Variants in KALRN observed in about 807,000 individuals in gnomAD.
The protein encoded by KALRN is kalirin RhoGEF kinase, also known as kalirin.
In KALRN, 70 loss-of-function variants were observed where a neutral mutation model predicts 353.7. The observed-to-expected ratio is 0.20, with a 90% CI of 0.16 to 0.24. KALRN has a LOEUF of 0.24. KALRN is among the 10% of genes least tolerant of loss of function. The pLI, the probability that KALRN is intolerant of heterozygous loss-of-function variation, is 1.00. For synonymous variants in KALRN, 1,391 were observed against 1,434.8 expected, an observed-to-expected ratio of 0.97 and a Z score of 0.69; for missense variants, 2,791 against 3,756.7, an observed-to-expected ratio of 0.74 and a Z score of 6.72.
At chr3:124,171,634 G>A (rs1441811256) in intron 1 of KALRN, among the ~76,000 whole-genome samples, 1 of 152,178 alleles carries the variant, frequency 6.6e-6, no homozygotes, top group Non-Finnish European at 1.5e-5. Flanking sequence ...AAAAAAGGCA[G>A]TCACATTGTA....
intron 13 of KALRN, among the ~76,000 whole-genome samples, chr3:124,407,947 G>T (rs1301965919): frequency 6.6e-6 from 1 of 151,920 alleles, no homozygotes; most frequent in African/African-American, 2.4e-5. Context: ...TATTTTTTTT[G>T]TATTTTTAGT....
intron 46 of KALRN, 137 bp from the exon 47 acceptor site, chr3:124,666,875 A>G (rs2289423): frequency 0.03 from 26,695 of 882,794 alleles, 605 homozygotes; most frequent in East Asian, 0.094. Context: ...AGAGACAAAA[A>G]CCTAAGTACT....
intron 33 of KALRN, among the ~76,000 whole-genome samples, chr3:124,537,636 G>A (rs1001066149): frequency 6.6e-6 from 1 of 152,152 alleles, no homozygotes. Context: ...ACTATTCCAG[G>A]CTGAGAAAAA....
At position 124,679,473 on chromosome 3, in the gene KALRN, G is replaced by A; in HGVS notation, c.7333G>A (p.Glu2445Lys). ...KVSVKETNSS[E>K]ESECDDLDPN... The stretch of plus-strand genomic sequence containing the variant: ...GCCAATCAAGGAGACGAACAGTTCC[G>A]AGGAATCAGAGTGTGATGATCTTGA... The change falls in exon 51 of 60, where the codon GAG (glutamate) becomes AAG (lysine). Residue 2445 changes from glutamate to lysine, a missense_variant. Glu to Lys is a moderately conservative substitution (Grantham distance 56). Transcript: ENST00000682506. The A allele has an allele frequency of 3.7e-6, 6 of 1,613,944 alleles. No individual in the cohort carries two copies. Among genetic ancestry groups the A allele is most frequent in the Non-Finnish European group, 5.1e-6 (6 of 1,179,856 alleles).
intron 5 of KALRN, among the ~76,000 whole-genome samples, chr3:124,286,148 CTTTCCTTT>C (rs2075875070): frequency 7.2e-6 from 1 of 139,722 alleles, no homozygotes; most frequent in Non-Finnish European, 1.6e-5. Context: ...TCCTTTCTTT[CTTTCCTTT>C]CTTTCGTCTT....
chr3:124,620,787 T>C (rs565606595), intron 34 of KALRN, among the ~76,000 whole-genome samples: 1 of 152,342 alleles, frequency 6.6e-6, no homozygotes, highest in African/African-American at 2.4e-5. Flanking sequence ...CATTGCCCTT[T>C]GAGGGCTTTC....
chr3:124,669,687 C>T (rs1250767378), intron 47 of KALRN, among the ~76,000 whole-genome samples: 3 of 152,162 alleles, frequency 2.0e-5, no homozygotes, highest in African/African-American at 7.2e-5. Context: ...ATACAGTCAG[C>T]CCTTGGTATC....
chr3:124,309,902 C>T (rs2078082468), intron 6 of KALRN, among the ~76,000 whole-genome samples: 1 of 152,056 alleles, frequency 6.6e-6, no homozygotes. Flanking sequence ...CCCTTCCATT[C>T]AATATTGGAG....
intron 15 of KALRN, among the ~76,000 whole-genome samples, chr3:124,428,551 A>G (rs2093131155): frequency 6.6e-6 from 1 of 152,204 alleles, no homozygotes. Context: ...CTACTATGCC[A>G]GTTCTATGTC....
At chr3:124,483,946 C>A (rs2062263621) in intron 28 of KALRN, among the ~76,000 whole-genome samples, 1 of 152,094 alleles carries the variant, frequency 6.6e-6, no homozygotes. Context: ...TTAAATAACC[C>A]CCATCTATAT....
intron 1 of KALRN, among the ~76,000 whole-genome samples, chr3:124,104,997 G>C (rs934366361): frequency 2.6e-5 from 4 of 152,116 alleles, no homozygotes; most frequent in South Asian, 4.1e-4. Context: ...AGGGAGCAAG[G>C]GTCATGGGGA....
chr3:124,177,766 G>C (rs915940891), intron 1 of KALRN, among the ~76,000 whole-genome samples: 1 of 152,168 alleles, frequency 6.6e-6, no homozygotes, highest in Non-Finnish European at 1.5e-5. Context: ...GGGGAGGGAT[G>C]GTTCCTACCA....
intron 1 of KALRN, among the ~76,000 whole-genome samples, chr3:124,056,423 A>G (rs1577635421): frequency 6.6e-6 from 1 of 152,274 alleles, no homozygotes; most frequent in Non-Finnish European, 1.5e-5. Flanking sequence ...TGCTGCTCTC[A>G]GCTATTATGC....
intron 1 of KALRN, among the ~76,000 whole-genome samples, chr3:124,172,980 T>G (rs548947728): frequency 2.0e-5 from 3 of 152,270 alleles, no homozygotes; most frequent in African/African-American, 7.2e-5. Flanking sequence ...GCAATCAGCC[T>G]GCATCATCAT....
chr3:124,231,400 T>C (rs1300545514), intron 2 of KALRN, among the ~76,000 whole-genome samples: 1 of 152,220 alleles, frequency 6.6e-6, no homozygotes, highest in East Asian at 1.9e-4. Context: ...CGCCTTCCTT[T>C]TGGCCACCTC....
chr3:124,222,104 T>C (rs1284580878), intron 1 of KALRN, among the ~76,000 whole-genome samples: 2 of 152,046 alleles, frequency 1.3e-5, no homozygotes, highest in African/African-American at 4.8e-5. Flanking sequence ...TTGGTGACAG[T>C]ATTTATGCTA....
chr3:124,272,474 C>A (rs1180998666), intron 5 of KALRN, among the ~76,000 whole-genome samples: 1 of 152,122 alleles, frequency 6.6e-6, no homozygotes, highest in Non-Finnish European at 1.5e-5. Context: ...TATATGATCC[C>A]TGAATTCTAT....
At chr3:124,149,730 G>C (rs1343339887) in intron 1 of KALRN, among the ~76,000 whole-genome samples, 1 of 152,178 alleles carries the variant, frequency 6.6e-6, no homozygotes, top group African/African-American at 2.4e-5. Context: ...ATGAGATTCA[G>C]ATGCTATTGG....
chr3:124,672,510 C>T (rs1340848686), intron 48 of KALRN, among the ~76,000 whole-genome samples: 2 of 152,200 alleles, frequency 1.3e-5, no homozygotes, highest in Non-Finnish European at 2.9e-5. Flanking sequence ...GCCTCGAGCA[C>T]CTACTGAAAG....
Sources: gnomAD v4.1 joint callset for allele counts (sites outside exome capture counted in the v4.1 genomes callset) on GRCh38, gnomAD v4.1.1 for gene constraint, MANE v1.5 for transcripts, NCBI Gene and HGNC (gene_info 2026-07-23, HGNC 2026-07-21) for gene names.